FSTL4: variants seen among roughly 807,000 people sequenced by gnomAD.
FSTL4 encodes follistatin like 4.
Under a neutral mutation model 78.2 loss-of-function variants are expected in FSTL4, and 28 were observed. That is an observed-to-expected ratio of 0.36 (90% CI 0.27 to 0.49). The LOEUF is 0.49. FSTL4 is among the 20% of genes least tolerant of loss of function. FSTL4 has a pLI of 0.98. For synonymous variants in FSTL4, 422 were observed against 440.5 expected (o/e 0.96, Z 0.53); for missense variants, 922 against 1,084.9 (o/e 0.85, Z 2.11).
chr5:133,798,886 A>G, the FSTL4 span, among the ~76,000 whole-genome samples: 1 of 149,438 alleles, frequency 6.7e-6, no homozygotes, highest in Non-Finnish European at 1.5e-5. Context: ...TGGGCCTAGG[A>G]CACATTAATT....
intron 15 of FSTL4, among the ~76,000 whole-genome samples, chr5:133,200,851 A>C (rs1408091314): frequency 6.6e-6 from 1 of 152,256 alleles, no homozygotes; most frequent in African/African-American, 2.4e-5. Context: ...GCATCCTTAA[A>C]GAACCAGAGC....
chr5:133,369,648 C>A (rs1428993708), intron 4 of FSTL4, among the ~76,000 whole-genome samples: 2 of 152,226 alleles, frequency 1.3e-5, no homozygotes, highest in Admixed American at 1.3e-4. Context: ...TTATTCTCCA[C>A]AAAATGCTCA....
chr5:133,765,881 A>T, the FSTL4 span, among the ~76,000 whole-genome samples: 1 of 152,246 alleles, frequency 6.6e-6, no homozygotes, highest in Non-Finnish European at 1.5e-5. Context: ...TCCAGCTGAA[A>T]TTAAAATTGT....
chr5:133,529,209 G>A (rs1430584757), intron 3 of FSTL4, among the ~76,000 whole-genome samples: 2 of 152,156 alleles, frequency 1.3e-5, no homozygotes, highest in East Asian at 3.8e-4. Flanking sequence ...ATTTGTTATT[G>A]GAACCTAGCA....
chr5:133,698,648 C>A, the FSTL4 span, among the ~76,000 whole-genome samples: 2 of 152,264 alleles, frequency 1.3e-5, no homozygotes, highest in Non-Finnish European at 2.9e-5. Context: ...ACGTGCTTGG[C>A]ACAGCATCTG....
intron 4 of FSTL4, among the ~76,000 whole-genome samples, chr5:133,397,199 C>A (rs1423278244): frequency 6.6e-6 from 1 of 152,168 alleles, no homozygotes; most frequent in African/African-American, 2.4e-5. Context: ...AATAGGAATG[C>A]GATGTCACAA....
intron 7 of FSTL4, among the ~76,000 whole-genome samples, chr5:133,239,978 A>C (rs1007751852): frequency 1.3e-5 from 2 of 152,252 alleles, no homozygotes; most frequent in Admixed American, 6.5e-5. Flanking sequence ...AGACCTCCGG[A>C]GTCAGAAGTG....
rs181670310 is a variant in FSTL4, at chr5:133,342,097, C to T, written c.410-25445G>A. ...AGGAATGGACAGGGAATCAGGCAGA[C>T]GAGTGGCAGGAAAGGGAGCTGGAAG... On this transcript the variant is annotated intron_variant, in intron 4 of 15. Coordinates refer to ENST00000265342, the MANE Select transcript of FSTL4 (RefSeq NM_015082.2). Among the ~76,000 whole-genome samples, 92 of 152,148 alleles carry T rather than the reference C, an allele frequency of 6.0e-4. 1 individual carries two copies. Among genetic ancestry groups the T allele is most frequent in the Admixed American group, 5.1e-3 (78 of 15,294 alleles).
At chr5:133,272,671 C>T (rs1752792764) in intron 6 of FSTL4, among the ~76,000 whole-genome samples, 1 of 152,186 alleles carries the variant, frequency 6.6e-6, no homozygotes, top group African/African-American at 2.4e-5. Flanking sequence ...AGTGGATACC[C>T]CAGATATGTC....
intron 2 of FSTL4, among the ~76,000 whole-genome samples, chr5:133,583,009 T>C (rs1014934614): frequency 6.6e-6 from 1 of 152,124 alleles, no homozygotes; most frequent in Non-Finnish European, 1.5e-5. Context: ...TAGTACTCAG[T>C]GTGCCTGGGG....
At chr5:133,314,791 T>C (rs905468104) in intron 5 of FSTL4, among the ~76,000 whole-genome samples, 6 of 151,960 alleles carry the variant, frequency 3.9e-5, no homozygotes, top group Admixed American at 2.6e-4. Flanking sequence ...CAGCAGAGGA[T>C]GGTCGAAAGA....
At chr5:133,337,343 G>A (rs1339377799) in intron 4 of FSTL4, among the ~76,000 whole-genome samples, 1 of 147,974 alleles carries the variant, frequency 6.8e-6, no homozygotes, top group Non-Finnish European at 1.5e-5. Flanking sequence ...CCTCTGCAAC[G>A]GACTCTTGCC....
At chr5:133,393,457 G>A (rs1755908907) in intron 4 of FSTL4, among the ~76,000 whole-genome samples, 1 of 152,218 alleles carries the variant, frequency 6.6e-6, no homozygotes, top group African/African-American at 2.4e-5. Flanking sequence ...TGGCTTGGCA[G>A]AAAACAGCCA....
chr5:133,349,452 C>T (rs1014030084), intron 4 of FSTL4, among the ~76,000 whole-genome samples: 1 of 152,210 alleles, frequency 6.6e-6, no homozygotes, highest in African/African-American at 2.4e-5. Flanking sequence ...AGAGTGCAGC[C>T]AGCACAGCAG....
chr5:133,413,279 T>C (rs1214971937), intron 3 of FSTL4, among the ~76,000 whole-genome samples: 1 of 151,572 alleles, frequency 6.6e-6, no homozygotes, highest in Non-Finnish European at 1.5e-5. Context: ...TATGTTTGTC[T>C]AAAATGTCTA....
intron 8 of FSTL4, among the ~76,000 whole-genome samples, chr5:133,230,977 ACCACTAG>A (rs1751476431): frequency 6.6e-6 from 1 of 151,934 alleles, no homozygotes; most frequent in Admixed American, 6.6e-5. Context: ...TTCTCTTGGT[ACCACTAG>A]GGTGGGAGGT....
At chr5:133,688,375 G>A in the FSTL4 span, among the ~76,000 whole-genome samples, 1 of 152,108 alleles carries the variant, frequency 6.6e-6, no homozygotes, top group Non-Finnish European at 1.5e-5. Context: ...ATCACACCAT[G>A]GCACTCCAGC....
At chr5:133,525,632 G>A (rs1242358611) in intron 3 of FSTL4, among the ~76,000 whole-genome samples, 4 of 152,188 alleles carry the variant, frequency 2.6e-5, no homozygotes, top group Admixed American at 6.5e-5. Context: ...AAGCTATATC[G>A]CAGCAGTGTA....
At chr5:133,355,591 G>T (rs111484467) in intron 4 of FSTL4, among the ~76,000 whole-genome samples, 1 of 152,208 alleles carries the variant, frequency 6.6e-6, no homozygotes, top group Non-Finnish European at 1.5e-5. Context: ...GGGAGGCGGA[G>T]GTTGTGGTGA....
Sources: allele counts gnomAD v4.1 joint callset (sites outside exome capture counted in the v4.1 genomes callset), GRCh38; gene constraint gnomAD v4.1.1; transcripts MANE v1.5; gene names NCBI Gene and HGNC (gene_info 2026-07-23, HGNC 2026-07-21).